Variants in SBF2 observed in about 807,000 individuals in gnomAD.
The protein encoded by SBF2 is myotubularin-related protein 13.
Under a neutral mutation model 225.2 loss-of-function variants are expected in SBF2, and 112 were observed. The observed-to-expected ratio is 0.50, with a 90% CI of 0.43 to 0.58. The LOEUF (loss-of-function observed/expected upper bound fraction) is 0.58, where lower values mean the gene tolerates loss of function less well. Among genes scored for constraint, SBF2 ranks in the 20% least tolerant of loss-of-function variants. SBF2 has a pLI of 0.00. For missense variants in SBF2, 1,996 were observed against 2,206.2 expected (o/e 0.90, Z 1.91); for synonymous variants, 763 against 773.3 (o/e 0.99, Z 0.22).
At chr11:10,224,791 T>C (rs1258273906) in intron 1 of SBF2, among the ~76,000 whole-genome samples, 2 of 152,172 alleles carry the variant, frequency 1.3e-5, no homozygotes, top group Non-Finnish European at 2.9e-5. Flanking sequence ...CCCTTTATAG[T>C]ACTTGTCACA....
intron 1 of SBF2, among the ~76,000 whole-genome samples, chr11:10,196,866 A>ATATATATTTTTTTTT: frequency 5.0e-5 from 5 of 99,316 alleles, no homozygotes; most frequent in African/African-American, 1.2e-4. Context: ...ATATATATAT[A>ATATATATTTTTTTTT]TTTTTTTTTT....
intron 27 of SBF2, among the ~76,000 whole-genome samples, chr11:9,831,075 T>C (rs1158096756): frequency 6.6e-6 from 1 of 152,206 alleles, no homozygotes; most frequent in Non-Finnish European, 1.5e-5. Context: ...CGTGGCTCAC[T>C]ATAGCCTTTA....
At chr11:10,128,961 T>C (rs1212390834) in intron 2 of SBF2, among the ~76,000 whole-genome samples, 2 of 152,172 alleles carry the variant, frequency 1.3e-5, no homozygotes, top group Admixed American at 1.3e-4. Flanking sequence ...CCAACGTAGA[T>C]AGTATCCAAA....
At position 9,860,486 on chromosome 11, in the gene SBF2, T is replaced by C. The variant is rs560780602; in HGVS notation, c.1930-2090A>G. ...AAAATTTGAACCTGGGAGGTGGAGG[T>C]TGCAGTGAGATGAGATGGGGTTTTT... is the stretch of plus-strand genomic sequence containing the variant. On this transcript the variant is annotated intron_variant, in intron 17 of 39. Transcript: ENST00000256190. Among the ~76,000 whole-genome samples, 8 of 151,606 alleles carry C rather than the reference T, an allele frequency of 5.3e-5. No individual in the cohort carries two copies. In the East Asian group the frequency reaches 1.4e-3, roughly 26 times the overall value.
intron 1 of SBF2, among the ~76,000 whole-genome samples, chr11:10,260,851 G>A (rs1199886380): frequency 1.3e-5 from 2 of 149,486 alleles, no homozygotes; most frequent in East Asian, 2.0e-4. Context: ...CTGCACTCCA[G>A]CTTAGGCAAC....
Position 10,216,705 on chromosome 11 carries a change from A to G in SBF2, c.56-22718T>C, listed in dbSNP as rs373648039. 5.9e-5 allele frequency among the ~76,000 whole-genome samples: 9 copies of G among 152,186 alleles called. No individual in the cohort carries two copies. In the East Asian group the frequency reaches 9.6e-4, roughly 16 times the overall value. ...GCCAACATGATGAAACCCTGTCTCT[A>G]ATAAAAATACAAAAACTAGCCGGGT... is the stretch of plus-strand genomic sequence containing the variant. On this transcript the variant is annotated intron_variant, in intron 1 of 39. Coordinates refer to ENST00000256190, the MANE Select transcript of SBF2 (RefSeq NM_030962.4).
chr11:9,817,362 G>A (rs542324527), intron 28 of SBF2, among the ~76,000 whole-genome samples: 1 of 152,150 alleles, frequency 6.6e-6, no homozygotes, highest in African/African-American at 2.4e-5. Flanking sequence ...GCTGGCAGGA[G>A]GTACTAATAA....
At chr11:10,193,192 T>G (rs996946932) in intron 2 of SBF2, among the ~76,000 whole-genome samples, 10 of 152,066 alleles carry the variant, frequency 6.6e-5, no homozygotes, top group Admixed American at 5.9e-4. Context: ...TTTATTTATC[T>G]GTGTTTTTTG....
At chr11:10,035,595 G>A (rs1185395162) in intron 3 of SBF2, among the ~76,000 whole-genome samples, 2 of 152,118 alleles carry the variant, frequency 1.3e-5, no homozygotes, top group Non-Finnish European at 2.9e-5. Context: ...CCATCAACAA[G>A]TGGGCACAGG....
At chr11:10,130,992 T>C (rs1954020471) in intron 2 of SBF2, among the ~76,000 whole-genome samples, 1 of 152,134 alleles carries the variant, frequency 6.6e-6, no homozygotes, top group South Asian at 2.1e-4. Context: ...AATAAAACCA[T>C]GTATGGGATT....
chr11:9,974,655 C>CAAAAAAAAA (rs756406933), intron 13 of SBF2, among the ~76,000 whole-genome samples: 1 of 98,426 alleles, frequency 1.0e-5, no homozygotes, highest in African/African-American at 3.8e-5. Flanking sequence ...CAACACCGCC[C>CAAAAAAAAA]AAAAAAAAAA....
In SBF2 at chr11:10,231,628, T is replaced by C. The variant is rs533947972; in HGVS notation, c.56-37641A>G. Among the ~76,000 whole-genome samples the C allele has an allele frequency of 6.6e-5, 10 of 152,322 alleles. 1 individual carries two copies. In the South Asian group the frequency reaches 1.9e-3, roughly 28 times the overall value. On this transcript the variant is annotated intron_variant, in intron 1 of 39. Transcript: ENST00000256190. Reference sequence around the variant, plus strand: ...GCGGTGGCTGCAGAACAGCGGATATTGGTGAACTGCAAATGCTGCTGCCTG... The same window carrying C: ...GCGGTGGCTGCAGAACAGCGGATATCGGTGAACTGCAAATGCTGCTGCCTG...
intron 17 of SBF2, among the ~76,000 whole-genome samples, chr11:9,870,789 C>A (rs1858660173): frequency 6.6e-6 from 1 of 152,108 alleles, no homozygotes; most frequent in African/African-American, 2.4e-5. Flanking sequence ...TCCTGGCCAA[C>A]ATGGTGAAAC....
intron 26 of SBF2, among the ~76,000 whole-genome samples, chr11:9,836,672 A>G (rs1855752628): frequency 2.0e-5 from 3 of 152,176 alleles, no homozygotes; most frequent in Admixed American, 2.0e-4. Flanking sequence ...AATTTCAGGA[A>G]ATTCAGTTTT....
chr11:9,956,001 TTTTTA>T (rs1413763398), intron 16 of SBF2, among the ~76,000 whole-genome samples: 1 of 152,124 alleles, frequency 6.6e-6, no homozygotes, highest in Non-Finnish European at 1.5e-5. Flanking sequence ...TCTTTTTTCC[TTTTTA>T]TTTTTCTGTA....
intron 1 of SBF2, among the ~76,000 whole-genome samples, chr11:10,242,364 G>A (rs1275109047): frequency 2.7e-5 from 4 of 149,760 alleles, no homozygotes; most frequent in Non-Finnish European, 4.4e-5. Flanking sequence ...CCCATAGTAG[G>A]TACAAAAAAA....
At chr11:10,291,616 C>T (rs549833708) in intron 1 of SBF2, among the ~76,000 whole-genome samples, 131 of 150,352 alleles carry the variant, frequency 8.7e-4, no homozygotes, top group African/African-American at 3.0e-3. Flanking sequence ...TGACTTTTTC[C>T]GAATAGACTA....
chr11:10,225,733 T>C (rs998856133), intron 1 of SBF2, among the ~76,000 whole-genome samples: 1 of 152,104 alleles, frequency 6.6e-6, no homozygotes, highest in Admixed American at 6.6e-5. Context: ...TCTAACTATC[T>C]CACGGGAAAT....
At chr11:9,936,373 A>G (rs950989263) in intron 16 of SBF2, among the ~76,000 whole-genome samples, 18 of 152,216 alleles carry the variant, frequency 1.2e-4, no homozygotes, top group East Asian at 7.7e-4. Context: ...AATGAGTTCA[A>G]CCATTGTGGA....
Sources: gnomAD v4.1 joint callset for allele counts (sites outside exome capture counted in the v4.1 genomes callset) on GRCh38, gnomAD v4.1.1 for gene constraint, MANE v1.5 for transcripts, NCBI Gene and HGNC (gene_info 2026-07-23, HGNC 2026-07-21) for gene names.